SYT13: variants seen among roughly 807,000 people sequenced by gnomAD.
SYT13 encodes synaptotagmin-13.
In SYT13, 21 loss-of-function variants were observed where a neutral mutation model predicts 38.6. That is an observed-to-expected ratio of 0.54 (90% CI 0.39 to 0.78). The LOEUF is 0.78. Among genes scored for constraint, SYT13 ranks in the 30% least tolerant of loss-of-function variants. SYT13 has a pLI of 0.00. For missense variants in SYT13, 495 were observed against 548.7 expected, an observed-to-expected ratio of 0.90 and a Z score of 0.98; for synonymous variants, 241 against 237.6, an observed-to-expected ratio of 1.01 and a Z score of -0.13.
intron 1 of SYT13, among the ~76,000 whole-genome samples, chr11:45,269,120 T>C (rs1854918758): frequency 6.6e-6 from 1 of 152,016 alleles, no homozygotes; most frequent in South Asian, 2.1e-4. Context: ...ACGCTGACTT[T>C]GGGTTGGGCA....
At chr11:45,278,026 C>T (rs1248802098) in intron 1 of SYT13, among the ~76,000 whole-genome samples, 1 of 152,146 alleles carries the variant, frequency 6.6e-6, no homozygotes, top group Admixed American at 6.5e-5. Flanking sequence ...TAAACACAAC[C>T]AAGGAAGAAA....
Position 45,282,076 on chromosome 11 carries a change from GTCTGGCCGCCGCTCACTAATAGA to G in SYT13, c.183+3926_183+3948del, listed in dbSNP as rs1404936042. 2.0e-5 allele frequency among the ~76,000 whole-genome samples: 3 copies of G among 152,184 alleles called. No individual in the cohort carries two copies. In the East Asian group the frequency reaches 5.8e-4, roughly 29 times the overall value. ...GAAATTCAGAGGCAGGAACCCATGG[GTCTGGCCGCCGCTCACTAATAGA>G]TTCAGAAGTAATGGTGAAGGAGAAA... On this transcript the variant is annotated intron_variant, in intron 1 of 5. Transcript: ENST00000020926.
intron 1 of SYT13, among the ~76,000 whole-genome samples, chr11:45,279,493 G>A (rs1422866843): frequency 6.6e-6 from 1 of 152,132 alleles, no homozygotes; most frequent in African/African-American, 2.4e-5. Context: ...AGGCTGAGGT[G>A]GGAGGATCAC....
At chr11:45,256,462 C>T (rs1165326451) in intron 1 of SYT13, among the ~76,000 whole-genome samples, 1 of 152,200 alleles carries the variant, frequency 6.6e-6, no homozygotes, top group Non-Finnish European at 1.5e-5. Flanking sequence ...AAACTGTCCA[C>T]CCCTACCTCC....
chr11:45,282,723 C>T (rs1855088562), intron 1 of SYT13, among the ~76,000 whole-genome samples: 1 of 152,180 alleles, frequency 6.6e-6, no homozygotes, highest in Non-Finnish European at 1.5e-5. Flanking sequence ...GTTGCTATTC[C>T]TAATTACAGA....
At chr11:45,263,990 T>C (rs529382010) in intron 1 of SYT13, among the ~76,000 whole-genome samples, 4 of 152,272 alleles carry the variant, frequency 2.6e-5, no homozygotes, top group East Asian at 1.9e-4. Context: ...ATGTCGGCAA[T>C]ATTTATGTGA....
chr11:45,258,607 C>T (rs1247902288), intron 1 of SYT13: 2 of 152,192 alleles, frequency 1.3e-5, no homozygotes, highest in African/African-American at 4.8e-5. Context: ...GACCACAATA[C>T]AGAAGCAGAC....
chr11:45,257,605 T>G (rs1010677973), intron 1 of SYT13, among the ~76,000 whole-genome samples: 7 of 152,196 alleles, frequency 4.6e-5, no homozygotes, highest in African/African-American at 1.7e-4. Flanking sequence ...CAGTTTACAC[T>G]ATTTCAAAAA....
rs1022970516 is a variant in SYT13 at position 45,252,083 on chromosome 11, G to A, written c.846+338C>T. On this transcript the variant is annotated intron_variant, in intron 4 of 5. Transcript: ENST00000020926. This position sits in a 1 kb window ranked among gnomAD's most constrained non-coding sequence, Gnocchi z 4.3. ...AGTGTCCTGCAGTGTCTGCCACATC[G>A]TAGGAGCACACAGAGTATAACTGGA... Among the ~76,000 whole-genome samples the A allele has an allele frequency of 4.6e-5, 7 of 152,208 alleles. No individual in the cohort carries two copies. Among genetic ancestry groups the A allele is most frequent in the Admixed American group, 2.6e-4 (4 of 15,282 alleles).
chr11:45,249,408 C>T (rs1297114699), intron 4 of SYT13, among the ~76,000 whole-genome samples: 1 of 152,150 alleles, frequency 6.6e-6, no homozygotes, highest in Non-Finnish European at 1.5e-5. Context: ...GGGTATATAC[C>T]CAAAGGATTA....
At chr11:45,272,905 A>G (rs1854967651) in intron 1 of SYT13, among the ~76,000 whole-genome samples, 1 of 152,202 alleles carries the variant, frequency 6.6e-6, no homozygotes, top group African/African-American at 2.4e-5. Flanking sequence ...ACCTTGTGCA[A>G]ATAGAGGGTG....
In SYT13 at chr11:45,264,779, T is replaced by TA. The variant is rs201437452; in HGVS notation, c.184-8889dup. Among the ~76,000 whole-genome samples the TA allele has an allele frequency of 4.3e-3, 658 of 151,928 alleles. 5 individuals are homozygous for TA. The highest frequency in any genetic ancestry group is 0.015 in the African/African-American group (617 of 41,424). On this transcript the variant is annotated intron_variant, in intron 1 of 5. Coordinates refer to ENST00000020926, the MANE Select transcript of SYT13 (RefSeq NM_020826.3). ...TTGTGAGAATTACCCAGGAAGATGT[T>TA]AAAAAAAATGTAGACACCACTACAC...
Position 45,274,913 on chromosome 11 carries a change from TA to T in SYT13, c.183+11111del, listed in dbSNP as rs200185076. The stretch of plus-strand genomic sequence containing the variant: ...CTCATTGGCCTTGCAGGTGAAGATT[TA>T]AAAAACTCTCTCTAACGTTAGCCAG... On this transcript the variant is annotated intron_variant, in intron 1 of 5. Transcript: ENST00000020926. Among the ~76,000 whole-genome samples, 571 of 152,270 alleles carry T rather than the reference TA, an allele frequency of 3.7e-3. 10 individuals are homozygous for T. Among genetic ancestry groups the T allele is most frequent in the African/African-American group, 0.013 (558 of 41,544 alleles).
intron 1 of SYT13, among the ~76,000 whole-genome samples, chr11:45,265,918 AC>A: frequency 6.6e-6 from 1 of 152,258 alleles, no homozygotes; most frequent in African/African-American, 2.4e-5. Flanking sequence ...CAGAACAGTG[AC>A]TGCTTTTGGG....
chr11:45,266,534 A>T (rs1174025001), intron 1 of SYT13, among the ~76,000 whole-genome samples: 3 of 149,642 alleles, frequency 2.0e-5, no homozygotes, highest in Non-Finnish European at 4.5e-5. Context: ...ACACACACAC[A>T]TACACACATC....
At chr11:45,262,760 C>T in intron 1 of SYT13, among the ~76,000 whole-genome samples, 1 of 135,700 alleles carries the variant, frequency 7.4e-6, no homozygotes, top group Non-Finnish European at 1.6e-5. Flanking sequence ...CACACACACA[C>T]ACACACACAA....
At chr11:45,244,380 A>G in intron 5 of SYT13, 24 bp from the exon 6 acceptor site, 1 of 1,598,002 alleles carries the variant, frequency 6.3e-7, no homozygotes, top group African/African-American at 1.3e-5. Flanking sequence ...GAGGGGAAAA[A>G]GAGACAGAGA....
At chr11:45,275,570 C>T (rs1232408545) in intron 1 of SYT13, among the ~76,000 whole-genome samples, 1 of 152,194 alleles carries the variant, frequency 6.6e-6, no homozygotes, top group African/African-American at 2.4e-5. Context: ...ATCATTGTAA[C>T]ATTCTTAAGC....
intron 4 of SYT13, among the ~76,000 whole-genome samples, chr11:45,248,772 G>A (rs1013373145): frequency 3.9e-5 from 6 of 152,188 alleles, no homozygotes; most frequent in Admixed American, 3.9e-4. Context: ...CTACAGACCA[G>A]GTGAGAGGAG....
Sources: allele counts gnomAD v4.1 joint callset (sites outside exome capture counted in the v4.1 genomes callset), GRCh38; gene constraint gnomAD v4.1.1; non-coding constraint Gnocchi (gnomAD v3.1); transcripts MANE v1.5; gene names NCBI Gene and HGNC (gene_info 2026-07-23, HGNC 2026-07-21).